CRADD: variants seen among roughly 807,000 people sequenced by gnomAD.
CRADD encodes the protein death domain-containing protein CRADD.
In CRADD, 9 loss-of-function variants were observed where a neutral mutation model predicts 15.5. The observed-to-expected ratio is 0.58, with a 90% CI of 0.35 to 1.01. The LOEUF (loss-of-function observed/expected upper bound fraction) is 1.01. CRADD is among the 50% of genes least tolerant of loss of function. The pLI, the probability that CRADD is intolerant of heterozygous loss-of-function variation, is 0.02. For missense variants in CRADD, 227 were observed against 250.3 expected (o/e 0.91, Z 0.63); for synonymous variants, 118 against 107.6 (o/e 1.10, Z -0.60).
At chr12:93,851,138 T>TA (rs1958216868), downstream of CRADD, among the ~76,000 whole-genome samples, 1 of 152,216 alleles carries the variant, frequency 6.6e-6, no homozygotes, top group African/African-American at 2.4e-5. Flanking sequence ...TCTGTCCTTT[T>TA]ATCAATAGCA....
chr12:93,726,078 AAG>A (rs1956358488), intron 2 of CRADD, among the ~76,000 whole-genome samples: 2 of 150,814 alleles, frequency 1.3e-5, no homozygotes, highest in African/African-American at 2.4e-5. Flanking sequence ...TGAACTGGTG[AAG>A]AGTAAATAGT....
intron 2 of CRADD, among the ~76,000 whole-genome samples, chr12:93,770,724 A>G (rs1454195803): frequency 6.6e-6 from 1 of 152,246 alleles, no homozygotes; most frequent in Admixed American, 6.5e-5. Context: ...TGAGGACTAC[A>G]TCTTCTTCTT....
intron 2 of CRADD, among the ~76,000 whole-genome samples, chr12:93,843,957 A>G (rs1426269274): frequency 4.6e-5 from 7 of 152,112 alleles, no homozygotes; most frequent in South Asian, 2.1e-4. Context: ...CCTGACCTCA[A>G]GTGATTCACC....
chr12:93,746,792 T>C (rs1438043868), intron 2 of CRADD, among the ~76,000 whole-genome samples: 1 of 152,116 alleles, frequency 6.6e-6, no homozygotes, highest in Non-Finnish European at 1.5e-5. Context: ...ATTTTTTTTT[T>C]TTTTTGAAGA....
At chr12:93,882,541 A>T (rs117318127) in intron 2 of CRADD, among the ~76,000 whole-genome samples, 1 of 151,970 alleles carries the variant, frequency 6.6e-6, no homozygotes, top group African/African-American at 2.4e-5. Context: ...AAATTTGTAT[A>T]TAAAAGATTT....
chr12:93,837,129 T>G (rs1024332658), intron 2 of CRADD, among the ~76,000 whole-genome samples: 1 of 152,176 alleles, frequency 6.6e-6, no homozygotes, highest in Admixed American at 6.5e-5. Context: ...ACCGGATGAA[T>G]GACAAATTGG....
chr12:93,678,873 A>G lies in CRADD; in HGVS notation c.99A>G (p.Glu33=), dbSNP rs771835927. 6.2e-7 allele frequency: 1 copy of G among 1,614,220 alleles called. No individual in the cohort carries two copies. Among genetic ancestry groups the G allele is most frequent in the South Asian group, 1.1e-5 (1 of 91,084 alleles). ...TGGTTCTTCAGTACCTCTACCAGGA[A>G]GGAATCTTGACGGAAAACCATATTC... ...EGLVLQYLYQ[E]GILTENHIQE... The change falls in exon 2 of 3, where the codon GAA becomes GAG. Residue 33 remains glutamate (E), a synonymous_variant. Transcript: ENST00000332896.
intron 2 of CRADD, chr12:93,738,707 A>G (rs1214630906): frequency 4.9e-6 from 2 of 405,174 alleles, no homozygotes; most frequent in Admixed American, 8.6e-5. Context: ...TGGAAATCTT[A>G]ACTTCATTTC....
chr12:93,889,065 G>T (rs1000435442), intron 2 of CRADD, among the ~76,000 whole-genome samples: 8 of 152,144 alleles, frequency 5.3e-5, no homozygotes, highest in African/African-American at 1.9e-4. Context: ...GTGGAATTGG[G>T]AGTCATCGGC....
At chr12:93,752,082 T>A (rs1956835022) in intron 2 of CRADD, among the ~76,000 whole-genome samples, 1 of 152,236 alleles carries the variant, frequency 6.6e-6, no homozygotes, top group African/African-American at 2.4e-5. Context: ...GCATGTATGC[T>A]TGAGAGCCCT....
intron 2 of CRADD, among the ~76,000 whole-genome samples, chr12:93,778,736 T>G (rs1957167331): frequency 6.6e-6 from 1 of 151,902 alleles, no homozygotes; most frequent in Non-Finnish European, 1.5e-5. Context: ...TTTTTTTTTT[T>G]TTGGTTTCAG....
At chr12:93,724,011 A>G (rs1481358083) in intron 2 of CRADD, among the ~76,000 whole-genome samples, 1 of 152,100 alleles carries the variant, frequency 6.6e-6, no homozygotes, top group East Asian at 1.9e-4. Flanking sequence ...GGAAGACCCC[A>G]GTGCTCTGGC....
chr12:93,680,063 C>T (rs1955245426), intron 2 of CRADD, among the ~76,000 whole-genome samples: 1 of 152,138 alleles, frequency 6.6e-6, no homozygotes. Flanking sequence ...AAGAGAGAAA[C>T]AGTTCTGGTT....
chr12:93,776,488 C>A (rs1436602874), intron 2 of CRADD, among the ~76,000 whole-genome samples: 3 of 152,146 alleles, frequency 2.0e-5, no homozygotes, highest in Non-Finnish European at 4.4e-5. Flanking sequence ...TATGTGAATG[C>A]CTGTTTCCTA....
At chr12:93,856,245 T>G (rs1958273962) in intron 2 of CRADD, among the ~76,000 whole-genome samples, 1 of 152,234 alleles carries the variant, frequency 6.6e-6, no homozygotes, top group Non-Finnish European at 1.5e-5. Flanking sequence ...GATAAGTGGC[T>G]ATGAACTGTG....
chr12:93,722,532 C>A (rs1956282722), intron 2 of CRADD, among the ~76,000 whole-genome samples: 1 of 151,914 alleles, frequency 6.6e-6, no homozygotes, highest in African/African-American at 2.4e-5. Context: ...TTCAGTCTTT[C>A]TTCTCTTTGC....
Position 93,877,150 on chromosome 12 carries a change from G to A in CRADD, c.299-16900G>A, listed in dbSNP as rs115422628. On this transcript the variant is annotated intron_variant, in intron 2 of 2. Transcript: ENST00000548483. Reference sequence around the variant, plus strand: ...AGGCAGAGACTCTTGTTCTCTTCCCGTACTTAACCAAACAAACAGTCTCTC... The same window carrying A: ...AGGCAGAGACTCTTGTTCTCTTCCCATACTTAACCAAACAAACAGTCTCTC... 7.6e-3 allele frequency among the ~76,000 whole-genome samples: 1,162 copies of A among 152,266 alleles called. 12 individuals are homozygous for A. Among genetic ancestry groups the A allele is most frequent in the African/African-American group, 0.026 (1,098 of 41,558 alleles).
At chr12:93,684,617 A>G (rs993827464) in intron 2 of CRADD, among the ~76,000 whole-genome samples, 12 of 152,216 alleles carry the variant, frequency 7.9e-5, no homozygotes, top group African/African-American at 2.4e-4. Context: ...GTATTCTAGT[A>G]GAGGGAGGGG....
chr12:93,704,425 A>G (rs917367630), intron 2 of CRADD, among the ~76,000 whole-genome samples: 2 of 152,072 alleles, frequency 1.3e-5, no homozygotes, highest in East Asian at 3.9e-4. Flanking sequence ...ATTTTACCAC[A>G]TTGTTCTAGC....
Sources: gnomAD v4.1 joint callset for allele counts (sites outside exome capture counted in the v4.1 genomes callset) on GRCh38, gnomAD v4.1.1 for gene constraint, MANE v1.5 for transcripts, NCBI Gene and HGNC (gene_info 2026-07-23, HGNC 2026-07-21) for gene names.